The following FAM163A variants were observed in gnomAD, a reference collection of about 807,000 sequenced individuals.
FAM163A encodes family with sequence similarity 163 member A.
FAM163A carries 7 observed loss-of-function variants against 12.0 expected under a neutral mutation model. The observed-to-expected ratio is 0.58, with a 90% CI of 0.33 to 1.10. The LOEUF is 1.10. Ranked by LOEUF, FAM163A falls within the 50% of genes least tolerant of loss-of-function variation. The pLI is 0.03. For synonymous variants in FAM163A, 101 were observed against 91.0 expected (o/e 1.11, Z -0.62); for missense variants, 202 against 218.6 (o/e 0.92, Z 0.48).
At chr1:179,759,067 C>A (rs1686436892) in intron 1 of FAM163A, among the ~76,000 whole-genome samples, 1 of 152,182 alleles carries the variant, frequency 6.6e-6, no homozygotes, top group Non-Finnish European at 1.5e-5. Context: ...TGTTCACCTG[C>A]CTTTGCAGAA....
At chr1:179,746,814 G>A (rs186080850) in intron 1 of FAM163A, among the ~76,000 whole-genome samples, 1 of 152,118 alleles carries the variant, frequency 6.6e-6, no homozygotes, top group African/African-American at 2.4e-5. Flanking sequence ...AAGCCAAAGG[G>A]CTGTGAGACT....
chr1:179,768,909 A>G (rs978169525), intron 1 of FAM163A, among the ~76,000 whole-genome samples: 2 of 151,594 alleles, frequency 1.3e-5, no homozygotes, highest in African/African-American at 2.4e-5. Flanking sequence ...CGGCCTGGAC[A>G]CTGGATTTTT....
chr1:179,738,094 A>C, the FAM163A span, among the ~76,000 whole-genome samples: 1 of 152,086 alleles, frequency 6.6e-6, no homozygotes, highest in Non-Finnish European at 1.5e-5. Context: ...AGAAGTGGAG[A>C]GGAAGGGAAG....
At chr1:179,742,034 A>G (rs1683716923), upstream of FAM163A, 1 of 152,258 alleles carries the variant, frequency 6.6e-6, no homozygotes, top group Non-Finnish European at 1.5e-5. Context: ...TGTAGGCACG[A>G]GCCTTAACTG....
chr1:179,813,158 A>G lies in FAM163A; in HGVS notation c.61A>G (p.Ile21Val). Residue 21 changes from isoleucine (I) to valine (V), a missense_variant, in exon 4 of 5, where the codon ATC becomes GTC. Ile to Val is a conservative substitution (Grantham distance 29). Transcript: ENST00000341785. ...CCTAGCTACGGTGATCCTCCTCTGC[A>G]TCATTGCCGTCCTGTGCTACTGCAG... is the stretch of plus-strand genomic sequence containing the variant. ...GILATVILLC[I>V]IAVLCYCRLQ... 6.4e-7 allele frequency: 1 copy of G among 1,551,912 alleles called. No homozygotes were observed. Among genetic ancestry groups the G allele is most frequent in the Non-Finnish European group, 8.7e-7 (1 of 1,147,048 alleles).
At chr1:179,751,492 G>C (rs1685265015) in intron 1 of FAM163A, among the ~76,000 whole-genome samples, 1 of 152,192 alleles carries the variant, frequency 6.6e-6, no homozygotes, top group South Asian at 2.1e-4. Flanking sequence ...TTAAGCAAGA[G>C]GTCAGTGACG....
At chr1:179,792,326 T>TGTGTGG (rs568109867) in intron 1 of FAM163A, among the ~76,000 whole-genome samples, 2 of 143,802 alleles carry the variant, frequency 1.4e-5, no homozygotes, top group Non-Finnish European at 3.1e-5. Context: ...TGTGTGTGTG[T>TGTGTGG]GGAGATTGGG....
chr1:179,796,276 A>G (rs1004934168), intron 1 of FAM163A, among the ~76,000 whole-genome samples: 2 of 151,934 alleles, frequency 1.3e-5, no homozygotes, highest in African/African-American at 2.4e-5. Context: ...CTGAATTCCT[A>G]CTTTCTTTGG....
chr1:179,759,441 A>G (rs1213121555), intron 1 of FAM163A, among the ~76,000 whole-genome samples: 3 of 152,214 alleles, frequency 2.0e-5, no homozygotes, highest in Non-Finnish European at 4.4e-5. Context: ...GGGTTCAACT[A>G]TGAAGCAAGG....
chr1:179,779,816 G>A (rs928013270), intron 1 of FAM163A, among the ~76,000 whole-genome samples: 1 of 152,182 alleles, frequency 6.6e-6, no homozygotes, highest in African/African-American at 2.4e-5. Flanking sequence ...GGATATGTTG[G>A]TTAGAGGCCT....
At chr1:179,758,383 A>G (rs1424793276) in intron 1 of FAM163A, among the ~76,000 whole-genome samples, 2 of 152,208 alleles carry the variant, frequency 1.3e-5, no homozygotes, top group South Asian at 2.1e-4. Flanking sequence ...TTCTGTCTCT[A>G]TTAGCAAAGC....
At position 179,793,574 on chromosome 1, in the gene FAM163A, G is replaced by A. The variant is rs1021467827; in HGVS notation, c.-135-14224G>A. Among the ~76,000 whole-genome samples the A allele has an allele frequency of 3.3e-5, 5 of 152,202 alleles. No individual in the cohort carries two copies. The East Asian group carries it at 7.7e-4, about 23-fold the overall frequency. Reference sequence around the variant, plus strand: ...CAGTGAAACCCCAGCTCTAGAGGGTGTCTTATTAAAGCTCAAGGGATCCTG... The same window carrying A: ...CAGTGAAACCCCAGCTCTAGAGGGTATCTTATTAAAGCTCAAGGGATCCTG... On this transcript the variant is annotated intron_variant, in intron 1 of 4. Coordinates refer to ENST00000341785, the MANE Select transcript of FAM163A (RefSeq NM_173509.3).
chr1:179,743,998 C>G (rs1361412785), intron 1 of FAM163A, among the ~76,000 whole-genome samples: 1 of 152,194 alleles, frequency 6.6e-6, no homozygotes, highest in African/African-American at 2.4e-5. Flanking sequence ...TCAGTGAGTC[C>G]GGATTCGTGC....
In FAM163A at chr1:179,773,462, G is replaced by T. The variant is rs75338719; in HGVS notation, c.-136+30039G>T. ...ATATTGCACTATAGTTTTGCAAGAT[G>T]TTACCATTGGGGGAAACTGGGTGAG... is the stretch of plus-strand genomic sequence containing the variant. On this transcript the variant is annotated intron_variant, in intron 1 of 4. Transcript: ENST00000341785. Among the ~76,000 whole-genome samples the T allele has an allele frequency of 1.1e-3, 167 of 152,280 alleles. No homozygotes were observed. In the East Asian group the frequency reaches 0.011, roughly 10 times the overall value.
At chr1:179,744,226 T>C (rs1684091998) in intron 1 of FAM163A, among the ~76,000 whole-genome samples, 1 of 152,072 alleles carries the variant, frequency 6.6e-6, no homozygotes, top group Admixed American at 6.5e-5. Flanking sequence ...GTGTCCTTGC[T>C]CCCGAGGCCC....
At chr1:179,813,297 AG>A in intron 4 of FAM163A, 107 bp downstream of exon 4, 2 of 1,101,060 alleles carry the variant, frequency 1.8e-6, no homozygotes, top group Non-Finnish European at 2.7e-6. Context: ...CAGAGCCCAA[AG>A]CTATGGAATG....
intron 1 of FAM163A, among the ~76,000 whole-genome samples, chr1:179,789,999 T>A (rs1195178847): frequency 6.6e-6 from 1 of 152,062 alleles, no homozygotes; most frequent in Non-Finnish European, 1.5e-5. Flanking sequence ...GGAAAGGACA[T>A]GACCAAAGAA....
At chr1:179,792,337 T>G (rs1691638302) in intron 1 of FAM163A, among the ~76,000 whole-genome samples, 1 of 148,130 alleles carries the variant, frequency 6.8e-6, no homozygotes, top group Non-Finnish European at 1.5e-5. Flanking sequence ...GGAGATTGGG[T>G]CTCTTTATGT....
intron 1 of FAM163A, among the ~76,000 whole-genome samples, chr1:179,762,738 A>T (rs1166292890): frequency 1.3e-5 from 2 of 152,216 alleles, no homozygotes; most frequent in Non-Finnish European, 2.9e-5. Context: ...GTGCAAGAAA[A>T]GGCTTGAATA....
Sources: gnomAD v4.1 joint callset for allele counts (sites outside exome capture counted in the v4.1 genomes callset) on GRCh38, gnomAD v4.1.1 for gene constraint, MANE v1.5 for transcripts, NCBI Gene and HGNC (gene_info 2026-07-23, HGNC 2026-07-21) for gene names.